Variants in CCSER1 observed in about 807,000 individuals in gnomAD.
The protein encoded by CCSER1 is serine-rich coiled-coil domain-containing protein 1.
A neutral mutation model predicts 82.0 loss-of-function variants in CCSER1; 41 were observed. The observed-to-expected ratio is 0.50, with a 90% CI of 0.39 to 0.65. CCSER1 has a LOEUF of 0.65. Among genes scored for constraint, CCSER1 ranks in the 30% least tolerant of loss-of-function variants. CCSER1 has a pLI of 0.00. For synonymous variants in CCSER1, 414 were observed against 383.9 expected (o/e 1.08, Z -0.92); for missense variants, 1,119 against 1,064.2 (o/e 1.05, Z -0.72).
At chr4:90,705,914 G>A (rs547126389) in intron 6 of CCSER1, among the ~76,000 whole-genome samples, 3 of 152,272 alleles carry the variant, frequency 2.0e-5, no homozygotes, top group Admixed American at 1.3e-4. Context: ...CTGACCCCTT[G>A]CACTTCCGGG....
intron 6 of CCSER1, among the ~76,000 whole-genome samples, chr4:90,671,362 A>G (rs959926193): frequency 2.6e-5 from 4 of 152,072 alleles, no homozygotes; most frequent in African/African-American, 9.7e-5. Context: ...CTGCTTTATC[A>G]ACTAAGTTTA....
At chr4:91,201,702 C>T (rs1224082496) in intron 10 of CCSER1, among the ~76,000 whole-genome samples, 1 of 151,890 alleles carries the variant, frequency 6.6e-6, no homozygotes, top group Non-Finnish European at 1.5e-5. Flanking sequence ...TTCTGATATT[C>T]TTAGTGTATT....
intron 5 of CCSER1, among the ~76,000 whole-genome samples, chr4:90,556,090 A>G (rs1008820186): frequency 6.6e-6 from 1 of 152,104 alleles, no homozygotes; most frequent in African/African-American, 2.4e-5. Context: ...TGGAGGAAAA[A>G]AAAGTGTTTT....
chr4:90,575,539 A>G (rs1204078384), intron 5 of CCSER1, among the ~76,000 whole-genome samples: 1 of 152,254 alleles, frequency 6.6e-6, no homozygotes, highest in Non-Finnish European at 1.5e-5. Context: ...CATTTAAACC[A>G]TAGCACCAGT....
intron 10 of CCSER1, among the ~76,000 whole-genome samples, chr4:91,172,246 A>T (rs1429447329): frequency 6.6e-6 from 1 of 152,210 alleles, no homozygotes; most frequent in African/African-American, 2.4e-5. Context: ...TGTCAAAATA[A>T]ACTGGAAGAG....
At chr4:91,150,882 T>C in intron 10 of CCSER1, among the ~76,000 whole-genome samples, 1 of 152,222 alleles carries the variant, frequency 6.6e-6, no homozygotes, top group East Asian at 1.9e-4. Flanking sequence ...CAGTATTTTA[T>C]TGAGGAATTT....
intron 1 of CCSER1, among the ~76,000 whole-genome samples, chr4:90,187,913 C>T (rs1734913363): frequency 1.3e-5 from 2 of 151,838 alleles, no homozygotes; most frequent in East Asian, 1.9e-4. Flanking sequence ...AAAGCAAGCT[C>T]ATCAACAACA....
At chr4:90,206,520 C>T (rs1052004504) in intron 1 of CCSER1, among the ~76,000 whole-genome samples, 2 of 152,080 alleles carry the variant, frequency 1.3e-5, no homozygotes, top group African/African-American at 2.4e-5. Context: ...GAGTGATTTT[C>T]TTAATGCTGA....
At chr4:90,934,937 C>G (rs1190647108) in intron 9 of CCSER1, among the ~76,000 whole-genome samples, 2 of 151,944 alleles carry the variant, frequency 1.3e-5, no homozygotes, top group Non-Finnish European at 2.9e-5. Context: ...ATCACACACA[C>G]ACACGCACAC....
chr4:90,304,668 G>C (rs1013082370), intron 1 of CCSER1, among the ~76,000 whole-genome samples: 1 of 152,048 alleles, frequency 6.6e-6, no homozygotes, highest in African/African-American at 2.4e-5. Context: ...AGAGTGGGGA[G>C]GGATAGCTTT....
At chr4:90,208,557 A>G (rs1739360308) in intron 1 of CCSER1, among the ~76,000 whole-genome samples, 1 of 151,886 alleles carries the variant, frequency 6.6e-6, no homozygotes, top group South Asian at 2.1e-4. Context: ...GGTATGAAAA[A>G]AAACTCCTGC....
intron 10 of CCSER1, among the ~76,000 whole-genome samples, chr4:91,495,139 T>C (rs1312441861): frequency 2.0e-5 from 3 of 151,744 alleles, no homozygotes; most frequent in Non-Finnish European, 4.4e-5. Context: ...TTAAGTTCTG[T>C]AATTATGATT....
intron 7 of CCSER1, among the ~76,000 whole-genome samples, chr4:90,738,206 T>G (rs1377338848): frequency 6.6e-6 from 1 of 152,122 alleles, no homozygotes; most frequent in Non-Finnish European, 1.5e-5. Context: ...AGGTATTTAT[T>G]GTAGTCTTTG....
At chr4:91,331,686 C>T (rs1746966659) in intron 10 of CCSER1, among the ~76,000 whole-genome samples, 1 of 152,028 alleles carries the variant, frequency 6.6e-6, no homozygotes, top group African/African-American at 2.4e-5. Flanking sequence ...GTGTTTTGAG[C>T]GTTGATTTTG....
intron 1 of CCSER1, among the ~76,000 whole-genome samples, chr4:90,238,834 G>T (rs1418673164): frequency 1.3e-5 from 2 of 151,896 alleles, no homozygotes; most frequent in African/African-American, 4.8e-5. Context: ...ATATTAGCTT[G>T]GTGGATTTCT....
intron 10 of CCSER1, among the ~76,000 whole-genome samples, chr4:91,383,572 T>A (rs1751079777): frequency 6.6e-6 from 1 of 152,216 alleles, no homozygotes. Context: ...AATAGTTCAA[T>A]CATATTTTTT....
intron 9 of CCSER1, among the ~76,000 whole-genome samples, chr4:91,003,417 C>T (rs545336160): frequency 1.6e-4 from 25 of 151,984 alleles, no homozygotes; most frequent in Non-Finnish European, 3.4e-4. Context: ...GTGGGGATGG[C>T]GGTGAGGTTC....
intron 10 of CCSER1, among the ~76,000 whole-genome samples, chr4:91,108,502 A>AACTG (rs1414803726): frequency 6.6e-6 from 1 of 152,238 alleles, no homozygotes; most frequent in African/African-American, 2.4e-5. Flanking sequence ...ATTAACTGAT[A>AACTG]CCATTGTCAA....
At chr4:91,566,472 C>T (rs545861114) in intron 10 of CCSER1, among the ~76,000 whole-genome samples, 2 of 152,246 alleles carry the variant, frequency 1.3e-5, no homozygotes, top group South Asian at 4.1e-4. Context: ...GACACTACCT[C>T]TTCTTTGAGC....
Sources: gnomAD v4.1 joint callset for allele counts (sites outside exome capture counted in the v4.1 genomes callset) on GRCh38, gnomAD v4.1.1 for gene constraint, MANE v1.5 for transcripts, NCBI Gene and HGNC (gene_info 2026-07-23, HGNC 2026-07-21) for gene names.